Variants in ZNF131 observed in about 807,000 individuals in gnomAD.
ZNF131 encodes zinc finger protein 131.
ZNF131 carries 7 observed loss-of-function variants against 60.0 expected under a neutral mutation model. The observed-to-expected ratio is 0.12, with a 90% CI of 0.07 to 0.22. The LOEUF (loss-of-function observed/expected upper bound fraction) is 0.22. ZNF131 is among the 10% of genes least tolerant of loss of function. ZNF131 has a pLI of 1.00. For synonymous variants in ZNF131, 257 were observed against 253.2 expected, an observed-to-expected ratio of 1.01 and a Z score of -0.14; for missense variants, 493 against 740.9, an observed-to-expected ratio of 0.67 and a Z score of 3.88.
intron 3 of ZNF131, among the ~76,000 whole-genome samples, chr5:43,136,555 T>C (rs1436736882): frequency 6.8e-6 from 1 of 146,902 alleles, no homozygotes; most frequent in Non-Finnish European, 1.5e-5. Context: ...GGTGTAATCT[T>C]GGCCCACTGC....
chr5:43,121,123 G>C lies in ZNF131; in HGVS notation c.-16G>C, dbSNP rs191008067. ...AGGAAGGAGGGCGACCCACGAGCTA[G>C]GTAAGGCGGGCCAACCCAGGTCTCG... On this transcript the variant is annotated splice_region_variant and 5_prime_UTR_variant, in exon 1 of 7. It removes the in-frame stop codon of an upstream open reading frame in the 5' UTR. Coordinates refer to ENST00000682664, the MANE Select transcript of ZNF131 (RefSeq NM_001330707.2). 1 of 152,500 alleles carries C rather than the reference G, an allele frequency of 6.6e-6. No individual in the cohort carries two copies. The highest frequency in any genetic ancestry group is 1.5e-5 in the Non-Finnish European group (1 of 68,876). 9.4% of individuals were successfully genotyped at this position (152,500 alleles called of 1,614,324 possible).
chr5:43,168,067 C>A, intron 5 of ZNF131: 1 of 402,886 alleles, frequency 2.5e-6, no homozygotes, highest in Non-Finnish European at 5.0e-6. Flanking sequence ...GTTTCTCTTA[C>A]TCTTCTTTTA....
At chr5:43,138,947 G>A (rs934748378) in intron 3 of ZNF131, among the ~76,000 whole-genome samples, 2 of 152,160 alleles carry the variant, frequency 1.3e-5, no homozygotes, top group African/African-American at 4.8e-5. Flanking sequence ...TGTTCTCCAA[G>A]AGCCTCAGGA....
intron 3 of ZNF131, among the ~76,000 whole-genome samples, chr5:43,135,931 G>A (rs1380284557): frequency 2.6e-5 from 4 of 152,026 alleles, no homozygotes; most frequent in African/African-American, 7.2e-5. Context: ...GCTGGCCAAC[G>A]TAGTGAAACC....
intron 3 of ZNF131, among the ~76,000 whole-genome samples, chr5:43,133,011 G>A (rs971054447): frequency 2.0e-5 from 3 of 152,154 alleles, no homozygotes; most frequent in East Asian, 1.9e-4. Context: ...TATGTTAAAT[G>A]TAGGTTTTCT....
chr5:43,166,893 C>T (rs539867031), intron 5 of ZNF131, among the ~76,000 whole-genome samples: 4 of 152,000 alleles, frequency 2.6e-5, no homozygotes, highest in Admixed American at 6.6e-5. Flanking sequence ...CTCCTGAGCT[C>T]GTGATCCACC....
chr5:43,171,614 A>G (rs1419008048), intron 5 of ZNF131, among the ~76,000 whole-genome samples: 1 of 151,852 alleles, frequency 6.6e-6, no homozygotes, highest in Admixed American at 6.6e-5. Flanking sequence ...TCTCTCTTGT[A>G]GGCCATTTTA....
intron 4 of ZNF131, among the ~76,000 whole-genome samples, chr5:43,160,076 T>C (rs1749463685): frequency 6.6e-6 from 1 of 151,480 alleles, no homozygotes; most frequent in African/African-American, 2.4e-5. Flanking sequence ...CTTGGGAGGC[T>C]GAGGCAGGAG....
At chr5:43,131,645 G>C (rs1374882790) in intron 3 of ZNF131, among the ~76,000 whole-genome samples, 1 of 152,140 alleles carries the variant, frequency 6.6e-6, no homozygotes, top group African/African-American at 2.4e-5. Context: ...AGATTTTCTA[G>C]CTAATATAGT....
rs1751564196 is a variant in ZNF131, at chr5:43,176,302, TAAG to T, written c.*1170_*1172del. The T allele has an allele frequency of 6.6e-6, 1 of 152,254 alleles. No homozygotes were observed. Among genetic ancestry groups the T allele is most frequent in the Non-Finnish European group, 1.5e-5 (1 of 68,040 alleles). The allele number at this position is 152,254 out of a possible 1,614,324, so 9.4% of individuals were successfully genotyped here. On this transcript the variant is annotated 3_prime_UTR_variant, in exon 7 of 7. Coordinates refer to ENST00000682664, the MANE Select transcript of ZNF131 (RefSeq NM_001330707.2). ...AATATTGGGAGTTCTTTACATTTTT[TAAG>T]TAAACTTTAAAATTATGTGTTCATG...
intron 6 of ZNF131, 57 bp from the exon 7 acceptor site, chr5:43,174,390 A>G (rs1228929439): frequency 2.1e-6 from 3 of 1,407,784 alleles, no homozygotes; most frequent in African/African-American, 1.4e-5. Flanking sequence ...AAATGCATTC[A>G]TATTTCCTTC....
intron 4 of ZNF131, among the ~76,000 whole-genome samples, chr5:43,149,726 A>T (rs988490461): frequency 6.6e-6 from 1 of 151,888 alleles, no homozygotes. Flanking sequence ...TTTTTATTTT[A>T]GCTGGGCTGG....
chr5:43,175,473 A>T lies in ZNF131; in HGVS notation c.*340A>T, dbSNP rs1414503335. 2.4e-5 allele frequency: 17 copies of T among 699,096 alleles called. No individual in the cohort carries two copies. The highest frequency in any genetic ancestry group is 3.9e-5 in the Non-Finnish European group (15 of 384,322). 43.3% of individuals were successfully genotyped at this position (699,096 alleles called of 1,614,324 possible). A position where few individuals can be genotyped will look rare whatever the true frequency, so the allele number is the denominator to read the frequency against. ...TTTCCCAGGTCATGTTCTTCCTCAAATTTTTTCCATATTGTAAAATCAAAC... is the reference window on the plus strand; with the variant it reads ...TTTCCCAGGTCATGTTCTTCCTCAATTTTTTTCCATATTGTAAAATCAAAC... On this transcript the variant is annotated 3_prime_UTR_variant, in exon 7 of 7. Coordinates refer to ENST00000682664, the MANE Select transcript of ZNF131 (RefSeq NM_001330707.2).
intron 4 of ZNF131, among the ~76,000 whole-genome samples, chr5:43,148,916 AT>A (rs1479223033): frequency 6.6e-6 from 1 of 152,100 alleles, no homozygotes; most frequent in Non-Finnish European, 1.5e-5. Context: ...TCCTATCTTC[AT>A]CCCTACAATT....
chr5:43,134,465 C>T (rs1416878262), intron 3 of ZNF131, among the ~76,000 whole-genome samples: 1 of 152,110 alleles, frequency 6.6e-6, no homozygotes, highest in Non-Finnish European at 1.5e-5. Flanking sequence ...AGGATGCCTA[C>T]TCTTATCACT....
In ZNF131 at chr5:43,125,540, GGAGGCCGAGGCAGGCAGATCACCT is replaced by G. The variant is rs1744426810; in HGVS notation, c.226+2235_226+2258del. Among the ~76,000 whole-genome samples the G allele has an allele frequency of 2.0e-5, 3 of 151,916 alleles. No individual in the cohort carries two copies. The South Asian group carries it at 6.2e-4, about 31-fold the overall frequency. On this transcript the variant is annotated intron_variant, in intron 3 of 6. Transcript: ENST00000682664. ...TCACGCCTGTAATCCCAGCACTTTG[GGAGGCCGAGGCAGGCAGATCACCT>G]GAGGTCGAGAGGTCGAGACCAGCCT...
intron 4 of ZNF131, among the ~76,000 whole-genome samples, chr5:43,148,350 G>C (rs1211656653): frequency 6.6e-6 from 1 of 152,204 alleles, no homozygotes; most frequent in African/African-American, 2.4e-5. Context: ...CTGCACTCCA[G>C]CCTGTGCAAC....
At chr5:43,169,533 A>T (rs1750732579) in intron 5 of ZNF131, among the ~76,000 whole-genome samples, 1 of 152,224 alleles carries the variant, frequency 6.6e-6, no homozygotes, top group African/African-American at 2.4e-5. Context: ...GTAGTACGGC[A>T]TTATGCCATT....
Position 43,161,837 on chromosome 5 carries a change from G to A in ZNF131, c.960G>A (p.Lys320=), listed in dbSNP as rs774616884. The A allele has an allele frequency of 2.5e-6, 4 of 1,614,000 alleles. No individual in the cohort carries two copies. The highest frequency in any genetic ancestry group is 2.7e-5 in the African/African-American group (2 of 74,934). The change falls in exon 5 of 7, where the codon AAG becomes AAA. Residue 320 remains lysine (K), a synonymous_variant. Coordinates refer to ENST00000682664, the MANE Select transcript of ZNF131 (RefSeq NM_001330707.2). ...TTGAAGAAGGTGGAGTCAGTAAGAA[G>A]CAAAGAACTGGGAAAAAAATTCATG... The part of the protein sequence containing the change: ...YHLEEGGVSK[K]QRTGKKIHVC...
Sources: allele counts gnomAD v4.1 joint callset (sites outside exome capture counted in the v4.1 genomes callset), GRCh38; gene constraint gnomAD v4.1.1; transcripts MANE v1.5; gene names NCBI Gene and HGNC (gene_info 2026-07-23, HGNC 2026-07-21).